SUZ12: variants seen among roughly 807,000 people sequenced by gnomAD.
SUZ12 encodes the protein SUZ12 polycomb repressive complex 2 subunit, also known as polycomb protein SUZ12.
In SUZ12, 17 loss-of-function variants were observed where a neutral mutation model predicts 87.3. The ratio of observed to expected loss-of-function variants is 0.19; its 90% CI spans 0.13 to 0.29. The LOEUF is 0.29. Among genes scored for constraint, SUZ12 ranks in the 10% least tolerant of loss-of-function variants. The probability of loss-of-function intolerance (pLI) is 1.00; values close to 1 mark genes in which losing one functional copy is unlikely to be tolerated. For synonymous variants in SUZ12, 253 were observed against 312.4 expected, an observed-to-expected ratio of 0.81 and a Z score of 2.01; for missense variants, 526 against 912.2, an observed-to-expected ratio of 0.58 and a Z score of 5.45.
rs554349118 is a variant in SUZ12 at position 31,990,118 on chromosome 17, C to G, written c.1201+1621C>G. ...TACAGGCGCCGGCCACCATGCCCGGCTAATTTTTTTTTTTTTTTTTTTTTT... is the reference window on the plus strand; with the variant it reads ...TACAGGCGCCGGCCACCATGCCCGGGTAATTTTTTTTTTTTTTTTTTTTTT... On this transcript the variant is annotated intron_variant, in intron 10 of 15. Coordinates refer to ENST00000322652, the MANE Select transcript of SUZ12 (RefSeq NM_015355.4). Among the ~76,000 whole-genome samples the G allele has an allele frequency of 9.6e-5, 12 of 124,378 alleles. No individual in the cohort carries two copies. In the East Asian group the frequency reaches 2.8e-3, roughly 29 times the overall value. The allele number at this position is 124,378 out of a possible 152,430, so 81.6% of individuals were successfully genotyped here.
At chr17:31,962,477 C>A (rs80150083) in intron 4 of SUZ12, among the ~76,000 whole-genome samples, 14,524 of 145,086 alleles carry the variant, frequency 0.1, no homozygotes, top group South Asian at 0.2. Flanking sequence ...ATAGTCTCAG[C>A]TACTCTTGGA....
At chr17:31,962,316 C>G (rs1222671913) in intron 4 of SUZ12, among the ~76,000 whole-genome samples, 1 of 152,058 alleles carries the variant, frequency 6.6e-6, no homozygotes, top group Non-Finnish European at 1.5e-5. Context: ...ACAGGCCAGG[C>G]GCAGTGGCTC....
chr17:31,978,890 G>A (rs1199551048), intron 8 of SUZ12, among the ~76,000 whole-genome samples: 5 of 151,660 alleles, frequency 3.3e-5, no homozygotes, highest in Admixed American at 1.3e-4. Flanking sequence ...GGCGGATCAC[G>A]AGGTCAAGAG....
chr17:31,953,666 C>T (rs552388141), intron 4 of SUZ12, among the ~76,000 whole-genome samples: 1 of 151,484 alleles, frequency 6.6e-6, no homozygotes, highest in Non-Finnish European at 1.5e-5. Context: ...CCTCGACATC[C>T]TGAAGTGCTG....
intron 8 of SUZ12, among the ~76,000 whole-genome samples, chr17:31,981,473 T>C (rs1302000310): frequency 6.6e-6 from 1 of 152,146 alleles, no homozygotes; most frequent in African/African-American, 2.4e-5. Flanking sequence ...ACATTACAGA[T>C]AGGAGGGTGC....
intron 1 of SUZ12, among the ~76,000 whole-genome samples, chr17:31,938,225 G>A (rs1351911184): frequency 6.6e-6 from 1 of 152,216 alleles, no homozygotes; most frequent in African/African-American, 2.4e-5. Flanking sequence ...AGAGCAAGGT[G>A]TCTGGAAACA....
chr17:31,942,651 A>T (rs1906375785), intron 3 of SUZ12, among the ~76,000 whole-genome samples: 1 of 152,118 alleles, frequency 6.6e-6, no homozygotes, highest in Non-Finnish European at 1.5e-5. Flanking sequence ...TGGTGGTCTT[A>T]TTGAAGGGGA....
At chr17:31,985,375 T>A (rs1017212855) in intron 9 of SUZ12, among the ~76,000 whole-genome samples, 1 of 151,652 alleles carries the variant, frequency 6.6e-6, no homozygotes, top group Non-Finnish European at 1.5e-5. Context: ...TAAAAAGCTA[T>A]TAAAAAGGAT....
rs754486931 is a variant in SUZ12 at position 31,947,678 on chromosome 17, T to A, written c.448T>A (p.Ser150Thr). The A allele has an allele frequency of 6.2e-7, 1 of 1,607,956 alleles. No homozygotes were observed. The highest frequency in any genetic ancestry group is 1.1e-5 in the South Asian group (1 of 90,582). Residue 150 changes from serine (S) to threonine (T), a missense_variant, in exon 4 of 16, where the codon TCT becomes ACT. Ser to Thr is a moderately conservative substitution (Grantham distance 58). Coordinates refer to ENST00000322652, the MANE Select transcript of SUZ12 (RefSeq NM_015355.4). ...AGAGAAAATGAAAGGAGAGCAAGAA[T>A]CTCATAGGTAAGATAATCTATCAGT... ...KVEKMKGEQE[S>T]HSLSAHLQLT...
rs555447638 is a variant in SUZ12, at chr17:31,997,997, G to A, written c.1875-661G>A. ...TCACACTTACAATGCTGGCACTTTAGGATGCCAAGGCAGGAGGATCACTTG... is the reference window on the plus strand; with the variant it reads ...TCACACTTACAATGCTGGCACTTTAAGATGCCAAGGCAGGAGGATCACTTG... On this transcript the variant is annotated intron_variant, in intron 15 of 15. Coordinates refer to ENST00000322652, the MANE Select transcript of SUZ12 (RefSeq NM_015355.4). Among the ~76,000 whole-genome samples the A allele has an allele frequency of 8.0e-4, 121 of 152,082 alleles. 1 individual carries two copies. Among genetic ancestry groups the A allele is most frequent in the Non-Finnish European group, 1.4e-3 (96 of 67,996 alleles).
intron 4 of SUZ12, among the ~76,000 whole-genome samples, chr17:31,951,707 A>C (rs2142135566): frequency 6.7e-6 from 1 of 148,514 alleles, no homozygotes; most frequent in East Asian, 2.0e-4. Flanking sequence ...CGATCTCCTG[A>C]CCTCGTGATC....
intron 4 of SUZ12, among the ~76,000 whole-genome samples, chr17:31,962,799 G>A (rs1439287844): frequency 1.3e-5 from 2 of 152,222 alleles, no homozygotes; most frequent in Non-Finnish European, 2.9e-5. Context: ...TTGGTAGGTG[G>A]GGTCTCAGTA....
chr17:31,963,559 G>A (rs1165463178), intron 4 of SUZ12, among the ~76,000 whole-genome samples: 4 of 151,928 alleles, frequency 2.6e-5, no homozygotes, highest in Non-Finnish European at 4.4e-5. Flanking sequence ...GTGCAGTGGT[G>A]CGATCTTGGT....
At chr17:31,981,924 T>C (rs564969438) in intron 8 of SUZ12, among the ~76,000 whole-genome samples, 1 of 152,322 alleles carries the variant, frequency 6.6e-6, no homozygotes, top group East Asian at 1.9e-4. Flanking sequence ...TAGTGAACAC[T>C]CAATAAATGT....
chr17:31,957,895 CTT>C (rs1181314058), intron 4 of SUZ12, among the ~76,000 whole-genome samples: 85 of 91,324 alleles, frequency 9.3e-4, no homozygotes, highest in African/African-American at 2.8e-3. Context: ...ACCTTTTGTC[CTT>C]TTTTTTTTTT....
chr17:31,990,631 C>G (rs1231476721), intron 10 of SUZ12, among the ~76,000 whole-genome samples: 1 of 152,106 alleles, frequency 6.6e-6, no homozygotes, highest in Non-Finnish European at 1.5e-5. Context: ...TCCCAAAGTA[C>G]TGGGATTACA....
chr17:31,988,613 G>A lies in SUZ12; in HGVS notation c.1201+116G>A, dbSNP rs184832836. ...GTGATTCTTCTTTTTTTTTTTTTGA[G>A]ATGGAGTCTTGCTCTGTTGCCCAGG... On this transcript the variant is annotated intron_variant, in intron 10 of 15. Coordinates refer to ENST00000322652, the MANE Select transcript of SUZ12 (RefSeq NM_015355.4). 333 of 1,018,196 alleles carry A rather than the reference G, an allele frequency of 3.3e-4. 1 individual carries two copies. In the African/African-American group the frequency reaches 5.3e-3, roughly 16 times the overall value. 63.1% of individuals were successfully genotyped at this position (1,018,196 alleles called of 1,614,324 possible). A position where few individuals can be genotyped will look rare whatever the true frequency, so the allele number is the denominator to read the frequency against.
Position 31,999,739 on chromosome 17 carries a change from G to C in SUZ12, c.*736G>C, listed in dbSNP as rs1014028859. ...GATAATTTTAGTGCATTGCTCACCC[G>C]GTATGTTTTTTTTTTTTAACTTGAA... On this transcript the variant is annotated 3_prime_UTR_variant, in exon 16 of 16. Transcript: ENST00000322652. The C allele has an allele frequency of 1.6e-4, 36 of 230,994 alleles. 1 individual carries two copies. The highest frequency in any genetic ancestry group is 7.6e-4 in the African/African-American group (34 of 44,856). 14.3% of individuals were successfully genotyped at this position (230,994 alleles called of 1,614,324 possible).
At chr17:31,960,832 C>A (rs1280208321) in intron 4 of SUZ12, among the ~76,000 whole-genome samples, 1 of 152,170 alleles carries the variant, frequency 6.6e-6, no homozygotes, top group Non-Finnish European at 1.5e-5. Flanking sequence ...CCCCTGCCTC[C>A]TTCCCAAAGT....
Sources: gnomAD v4.1 joint callset for allele counts (sites outside exome capture counted in the v4.1 genomes callset) on GRCh38, gnomAD v4.1.1 for gene constraint, MANE v1.5 for transcripts, NCBI Gene and HGNC (gene_info 2026-07-23, HGNC 2026-07-21) for gene names.